The following SLC39A12 variants were observed in gnomAD, a reference collection of about 807,000 sequenced individuals.
SLC39A12 encodes solute carrier family 39 member 12, also known as zinc transporter ZIP12.
In SLC39A12, 63 loss-of-function variants were observed where a neutral mutation model predicts 71.1. The observed-to-expected ratio is 0.89, with a 90% CI of 0.72 to 1.09. The LOEUF (loss-of-function observed/expected upper bound fraction) is 1.09, where lower values mean the gene tolerates loss of function less well. Among genes scored for constraint, SLC39A12 ranks in the 50% least tolerant of loss-of-function variants. The pLI, the probability that SLC39A12 is intolerant of heterozygous loss-of-function variation, is 0.00. For missense variants in SLC39A12, 892 were observed against 812.6 expected, an observed-to-expected ratio of 1.10 and a Z score of -1.19; for synonymous variants, 351 against 301.3, an observed-to-expected ratio of 1.16 and a Z score of -1.71.
chr10:17,962,967 G>A (rs1458212988), intron 3 of SLC39A12, among the ~76,000 whole-genome samples: 1 of 152,070 alleles, frequency 6.6e-6, no homozygotes, highest in African/African-American at 2.4e-5. Flanking sequence ...ATCAGCCTAG[G>A]CAACATAGCA....
chr10:17,969,713 C>T (rs768977940), intron 4 of SLC39A12, among the ~76,000 whole-genome samples: 185 of 152,150 alleles, frequency 1.2e-3, no homozygotes, highest in Non-Finnish European at 2.1e-3. Context: ...ATGAGTAGCT[C>T]GCAAATATTT....
intron 12 of SLC39A12, among the ~76,000 whole-genome samples, chr10:18,036,498 T>G (rs888196853): frequency 6.6e-6 from 1 of 151,992 alleles, no homozygotes; most frequent in Admixed American, 6.6e-5. Flanking sequence ...TGCCTCGCCC[T>G]GCTTCGGCTC....
chr10:17,997,035 AAAG>A (rs1310944363), intron 10 of SLC39A12, among the ~76,000 whole-genome samples: 29 of 147,042 alleles, frequency 2.0e-4, no homozygotes, highest in African/African-American at 2.5e-4. Flanking sequence ...AAAAAAAAAA[AAAG>A]AAAAAGAAAA....
intron 12 of SLC39A12, among the ~76,000 whole-genome samples, chr10:18,034,703 G>C (rs1458877472): frequency 6.6e-6 from 1 of 151,514 alleles, no homozygotes; most frequent in Admixed American, 6.6e-5. Flanking sequence ...ATGTTAGCTG[G>C]TGATTTTGCT....
rs61447740 is a variant in SLC39A12 at position 17,960,032 on chromosome 10, C to A, written c.262-1549C>A. Among the ~76,000 whole-genome samples the A allele has an allele frequency of 9.3e-3, 1,416 of 152,138 alleles. 26 individuals are homozygous for A. Among genetic ancestry groups the A allele is most frequent in the African/African-American group, 0.033 (1,350 of 41,506 alleles). ...TGAAAACTCCAAAGAAGTGGTTAGA[C>A]CCAGGGGTTTATATACCATTTTAAC... On this transcript the variant is annotated intron_variant, in intron 2 of 12. Transcript: ENST00000377369.
At chr10:17,984,198 A>T (rs1835344994) in intron 6 of SLC39A12, among the ~76,000 whole-genome samples, 1 of 152,240 alleles carries the variant, frequency 6.6e-6, no homozygotes, top group African/African-American at 2.4e-5. Context: ...AAATTAGCAG[A>T]GTCCTGTGAC....
chr10:18,022,411 G>A (rs888806248), intron 12 of SLC39A12, among the ~76,000 whole-genome samples: 1 of 151,372 alleles, frequency 6.6e-6, no homozygotes, highest in African/African-American at 2.4e-5. Flanking sequence ...CCTCATCTTG[G>A]TCTGTTCTGC....
chr10:18,010,782 G>A (rs952989794), intron 12 of SLC39A12, among the ~76,000 whole-genome samples: 29 of 152,046 alleles, frequency 1.9e-4, no homozygotes, highest in African/African-American at 6.5e-4. Flanking sequence ...TAAAAATGCA[G>A]TTGGCCCTAG....
intron 12 of SLC39A12, 104 bp downstream of exon 12, chr10:18,003,462 T>C: frequency 1.9e-6 from 2 of 1,052,950 alleles, no homozygotes; most frequent in South Asian, 3.4e-5. Flanking sequence ...AACAGAAGAA[T>C]TTATAAAACA....
intron 12 of SLC39A12, among the ~76,000 whole-genome samples, chr10:18,022,572 A>C (rs989440888): frequency 2.6e-5 from 4 of 152,010 alleles, no homozygotes; most frequent in Non-Finnish European, 5.9e-5. Context: ...ATGGGTTTCA[A>C]CTTCCTCTTG....
intron 6 of SLC39A12, 68 bp downstream of exon 6, chr10:17,981,551 G>A: frequency 7.8e-7 from 1 of 1,284,136 alleles, no homozygotes; most frequent in East Asian, 2.4e-5. Flanking sequence ...GTAAATGCAG[G>A]ATACTTACTA....
At chr10:17,976,594 A>G (rs755841165) in intron 4 of SLC39A12, among the ~76,000 whole-genome samples, 1 of 151,530 alleles carries the variant, frequency 6.6e-6, no homozygotes, top group Non-Finnish European at 1.5e-5. Context: ...ATTTTTATAT[A>G]TATATTTTTT....
intron 12 of SLC39A12, among the ~76,000 whole-genome samples, chr10:18,042,313 A>G (rs947130652): frequency 2.6e-5 from 4 of 152,040 alleles, no homozygotes; most frequent in Non-Finnish European, 4.4e-5. Flanking sequence ...CCCCATCTCT[A>G]CAAAAAAATG....
chr10:17,999,294 CAAAAAA>C (rs59734258), intron 10 of SLC39A12, among the ~76,000 whole-genome samples: 2 of 70,374 alleles, frequency 2.8e-5, no homozygotes, highest in Admixed American at 1.9e-4. Context: ...GACTCCATCT[CAAAAAA>C]AAAAAAAAAA....
chr10:18,003,089 G>A lies in SLC39A12; in HGVS notation c.1760-82G>A, dbSNP rs537993767. ...AAAATTGGTTCCAGTGCTGACATTC[G>A]AAATAGCTAATAGTGCGTTACTTTA... On this transcript the variant is annotated intron_variant, in intron 11 of 12. Transcript: ENST00000377369. 1.7e-5 allele frequency: 22 copies of A among 1,308,176 alleles called. No homozygotes were observed. The Admixed American group carries it at 1.8e-4, about 10-fold the overall frequency. The allele number at this position is 1,308,176 out of a possible 1,614,324, so 81.0% of individuals were successfully genotyped here. A position where few individuals can be genotyped will look rare whatever the true frequency, so the allele number is the denominator to read the frequency against.
intron 12 of SLC39A12, among the ~76,000 whole-genome samples, chr10:18,031,677 CT>C (rs796630552): frequency 0.017 from 2,129 of 127,688 alleles, 21 homozygotes; most frequent in South Asian, 0.041. Flanking sequence ...TCAATTTTGT[CT>C]TTTGTTGCCA....
At chr10:17,987,798 C>T in intron 7 of SLC39A12, 147 bp downstream of exon 7, 2 of 787,018 alleles carry the variant, frequency 2.5e-6, no homozygotes, top group South Asian at 1.8e-5. Flanking sequence ...ATTATTTCCC[C>T]AAGGCCTCTC....
intron 12 of SLC39A12, among the ~76,000 whole-genome samples, chr10:18,041,840 T>C (rs1003180960): frequency 6.8e-6 from 1 of 147,182 alleles, no homozygotes; most frequent in African/African-American, 2.5e-5. Flanking sequence ...CATACATATG[T>C]ATACGTATAT....
intron 12 of SLC39A12, among the ~76,000 whole-genome samples, chr10:18,025,236 A>T (rs924790945): frequency 6.6e-6 from 1 of 151,146 alleles, no homozygotes; most frequent in Admixed American, 6.6e-5. Flanking sequence ...TTTTATTTTT[A>T]TTTTTTTTTA....
Sources: allele counts gnomAD v4.1 joint callset (sites outside exome capture counted in the v4.1 genomes callset), GRCh38; gene constraint gnomAD v4.1.1; transcripts MANE v1.5; gene names NCBI Gene and HGNC (gene_info 2026-07-23, HGNC 2026-07-21).